TASOR: variants seen among roughly 807,000 people sequenced by gnomAD.
The protein encoded by TASOR is protein TASOR.
TASOR carries 53 observed loss-of-function variants against 178.6 expected under a neutral mutation model. The ratio of observed to expected loss-of-function variants is 0.30; its 90% CI spans 0.24 to 0.37. The LOEUF (loss-of-function observed/expected upper bound fraction) is 0.37, where lower values mean the gene tolerates loss of function less well. TASOR is among the 10% of genes least tolerant of loss of function. TASOR has a pLI of 1.00. For synonymous variants in TASOR, 713 were observed against 696.2 expected (o/e 1.02, Z -0.38); for missense variants, 1,815 against 1,971.4 (o/e 0.92, Z 1.50).
chr3:56,662,861 C>T (rs1398379792), intron 8 of TASOR, among the ~76,000 whole-genome samples: 1 of 152,140 alleles, frequency 6.6e-6, no homozygotes, highest in Non-Finnish European at 1.5e-5. Context: ...GTATCTTCTA[C>T]TCATTGTGTT....
At position 56,624,636 on chromosome 3, in the gene TASOR, GTTC is replaced by G; in HGVS notation, c.4323_4325del (p.Lys1441del). 1.2e-6 allele frequency: 2 copies of G among 1,610,562 alleles called. No homozygotes were observed. Among genetic ancestry groups the G allele is most frequent in the East Asian group, 2.2e-5 (1 of 44,860 alleles). ...CTGTATAACTGGAAAGCATCTTGAT[GTTC>G]TTCTCTAAATTAAGAAAAAAAGTTT... On this transcript the variant is annotated inframe_deletion, in exon 23 of 24. Transcript: ENST00000683822.
At chr3:56,663,889 C>A in intron 7 of TASOR, 1 of 982,526 alleles carries the variant, frequency 1.0e-6, no homozygotes, top group Non-Finnish European at 1.2e-6. Flanking sequence ...TTAGAAGACA[C>A]AGCCTCAATA....
intron 17 of TASOR, among the ~76,000 whole-genome samples, chr3:56,634,987 G>A (rs1300861740): frequency 6.6e-6 from 1 of 152,192 alleles, no homozygotes; most frequent in Non-Finnish European, 1.5e-5. Context: ...AAAAATTACT[G>A]TTTTTCTTTA....
rs1299872793 is a variant in TASOR at position 56,622,584 on chromosome 3, C to G, written c.*453G>C. The G allele has an allele frequency of 6.5e-6, 1 of 152,676 alleles. No individual in the cohort carries two copies. Among genetic ancestry groups the G allele is most frequent in the South Asian group, 2.1e-4 (1 of 4,828 alleles). The allele number at this position is 152,676 out of a possible 1,614,324, so 9.5% of individuals were successfully genotyped here. ...CACTGTTAGATAAATCTTGAGGTAT[C>G]GAGCCAAAATCCTGTAAATATTAAC... On this transcript the variant is annotated 3_prime_UTR_variant, in exon 24 of 24. Coordinates refer to ENST00000683822, the MANE Select transcript of TASOR (RefSeq NM_001365635.2).
intron 11 of TASOR, among the ~76,000 whole-genome samples, chr3:56,660,489 C>CAAAAAAAAAAA (rs35016053): frequency 1.5e-5 from 1 of 66,048 alleles, no homozygotes. Context: ...GACTCCGTCT[C>CAAAAAAAAAAA]AAAAAAAAAA....
chr3:56,671,095 C>T (rs1458447229), intron 3 of TASOR, among the ~76,000 whole-genome samples: 1 of 151,862 alleles, frequency 6.6e-6, no homozygotes, highest in African/African-American at 2.4e-5. Flanking sequence ...AATCCCAGCA[C>T]TTTGGGAGGC....
intron 7 of TASOR, among the ~76,000 whole-genome samples, chr3:56,665,932 G>A (rs1011776816): frequency 1.3e-5 from 2 of 152,146 alleles, no homozygotes; most frequent in African/African-American, 2.4e-5. Flanking sequence ...TCCTGCCAAT[G>A]CACTCCAGCC....
intron 23 of TASOR, 55 bp downstream of exon 23, chr3:56,624,424 A>ACCATTCCTC: frequency 6.3e-7 from 1 of 1,575,252 alleles, no homozygotes; most frequent in Non-Finnish European, 8.7e-7. Context: ...TAACAGCAAA[A>ACCATTCCTC]CCATTCCTCT....
chr3:56,663,513 T>C (rs1360989138), intron 8 of TASOR, 28 bp downstream of exon 8: 2 of 1,053,892 alleles, frequency 1.9e-6, no homozygotes, highest in Non-Finnish European at 2.6e-6. Context: ...TTTCCATTTA[T>C]AAAACTAAAG....
At chr3:56,631,508 G>C (rs1578194749) in intron 18 of TASOR, among the ~76,000 whole-genome samples, 1 of 151,784 alleles carries the variant, frequency 6.6e-6, no homozygotes, top group Admixed American at 6.6e-5. Context: ...CCTACCTACT[G>C]GTAACAAACT....
intron 1 of TASOR, among the ~76,000 whole-genome samples, chr3:56,678,840 A>T (rs1412047815): frequency 6.6e-6 from 1 of 151,868 alleles, no homozygotes; most frequent in Non-Finnish European, 1.5e-5. Flanking sequence ...GCAAAATCCC[A>T]CCTCTAAGGA....
intron 7 of TASOR, chr3:56,663,961 T>C: frequency 3.1e-6 from 2 of 635,786 alleles, no homozygotes; most frequent in Non-Finnish European, 3.9e-6. Flanking sequence ...CCAGGCACAG[T>C]TCTAGGTAAT....
At chr3:56,654,292 A>T (rs1215361370) in intron 11 of TASOR, among the ~76,000 whole-genome samples, 2 of 151,746 alleles carry the variant, frequency 1.3e-5, no homozygotes, top group Non-Finnish European at 2.9e-5. Context: ...GAGATGGTAT[A>T]AGAAAGGAAA....
intron 5 of TASOR, among the ~76,000 whole-genome samples, 200 bp downstream of exon 5, chr3:56,669,500 C>A (rs2030442711): frequency 6.6e-6 from 1 of 151,978 alleles, no homozygotes; most frequent in South Asian, 2.1e-4. Flanking sequence ...GAGCGAGACT[C>A]CATCTCAAAA....
chr3:56,648,927 G>A lies in TASOR; in HGVS notation c.1442-34C>T, dbSNP rs1325292263. On this transcript the variant is annotated intron_variant, in intron 12 of 23. Coordinates refer to ENST00000683822, the MANE Select transcript of TASOR (RefSeq NM_001365635.2). ...CAGAAGCCAAACTCATTAGCAATGT[G>A]TTTTAACTAAAAAGTTAAGAAAGAA... The A allele has an allele frequency of 2.5e-6, 4 of 1,599,398 alleles. No individual in the cohort carries two copies. In the African/African-American group the frequency reaches 4.1e-5, roughly 16 times the overall value.
chr3:56,673,428 G>A (rs1441581509), intron 2 of TASOR, among the ~76,000 whole-genome samples, 152 bp downstream of exon 2: 7 of 75,522 alleles, frequency 9.3e-5, no homozygotes, highest in African/African-American at 1.4e-4. Flanking sequence ...GTGAAACTCC[G>A]TCTCCAAAAA....
chr3:56,643,146 C>T (rs956905758), intron 14 of TASOR, among the ~76,000 whole-genome samples: 16 of 151,726 alleles, frequency 1.1e-4, no homozygotes, highest in Non-Finnish European at 2.1e-4. Context: ...CGCCTGTAAT[C>T]CCAGCTACTC....
In TASOR at chr3:56,628,487, T is replaced by C. The variant is rs1300636944; in HGVS notation, c.3870+5A>G. 2 of 1,598,422 alleles carry C rather than the reference T, an allele frequency of 1.3e-6. No individual in the cohort carries two copies. Among genetic ancestry groups the C allele is most frequent in the Admixed American group, 1.7e-5 (1 of 57,208 alleles). ...CAAAGTAGTGAATTTGACTTAATAG[T>C]CTACCTTGTGAATGAAACCTGCAAT... is the stretch of plus-strand genomic sequence containing the variant. On this transcript the variant is annotated splice_donor_5th_base_variant and intron_variant, in intron 19 of 23. Coordinates refer to ENST00000683822, the MANE Select transcript of TASOR (RefSeq NM_001365635.2).
Position 56,627,575 on chromosome 3 carries a change from A to G in TASOR, c.4030+7T>C. The G allele has an allele frequency of 4.3e-6, 7 of 1,613,814 alleles. No homozygotes were observed. The highest frequency in any genetic ancestry group is 5.9e-6 in the Non-Finnish European group (7 of 1,179,910). ...GGAGTTACGTGCTCAAAAGAACATC[A>G]TCTTACCAACTGTGACAACCTCTGG... On this transcript the variant is annotated splice_region_variant and intron_variant, in intron 20 of 23. Coordinates refer to ENST00000683822, the MANE Select transcript of TASOR (RefSeq NM_001365635.2).
Sources: allele counts gnomAD v4.1 joint callset (sites outside exome capture counted in the v4.1 genomes callset), GRCh38; gene constraint gnomAD v4.1.1; transcripts MANE v1.5; gene names NCBI Gene and HGNC (gene_info 2026-07-23, HGNC 2026-07-21).